CALN1: variants seen among roughly 807,000 people sequenced by gnomAD.
The protein encoded by CALN1 is calneuron 1.
In CALN1, 17 loss-of-function variants were observed where a neutral mutation model predicts 30.6. The observed-to-expected ratio is 0.56, with a 90% confidence interval of 0.38 to 0.83. CALN1 has a LOEUF of 0.83. Among genes scored for constraint, CALN1 ranks in the 40% least tolerant of loss-of-function variants. CALN1 has a pLI of 0.00. For synonymous variants in CALN1, 156 were observed against 131.4 expected (o/e 1.19, Z -1.28); for missense variants, 291 against 354.9 (o/e 0.82, Z 1.45).
intron 3 of CALN1, among the ~76,000 whole-genome samples, chr7:72,202,485 G>A (rs1449202509): frequency 1.3e-5 from 2 of 152,198 alleles, no homozygotes; most frequent in East Asian, 3.8e-4. Flanking sequence ...GGCAGAATAT[G>A]TATTGAAATG....
intron 2 of CALN1, chr7:72,337,672 C>T (rs934355892): frequency 6.6e-6 from 1 of 152,482 alleles, no homozygotes; most frequent in African/African-American, 2.4e-5. Context: ...AGGCGGGGCG[C>T]CGAAGTGGAG....
At chr7:72,474,203 A>G in the CALN1 span, among the ~76,000 whole-genome samples, 1 of 152,214 alleles carries the variant, frequency 6.6e-6, no homozygotes, top group African/African-American at 2.4e-5. Context: ...ACTGAATTAA[A>G]CAAAGGTACA....
intron 6 of CALN1, among the ~76,000 whole-genome samples, chr7:71,795,249 C>T (rs776504559): frequency 1.3e-5 from 2 of 152,084 alleles, no homozygotes; most frequent in South Asian, 4.2e-4. Context: ...CTCGATCTCT[C>T]GACCTTGTGA....
At chr7:72,036,160 C>T (rs844672) in intron 4 of CALN1, among the ~76,000 whole-genome samples, 95,922 of 152,044 alleles carry the variant, frequency 0.63, 30,514 homozygotes, top group East Asian at 0.76. Flanking sequence ...TCATTTTGAA[C>T]ATATCAGCCC....
chr7:72,401,548 G>A (rs536568423), intron 2 of CALN1, among the ~76,000 whole-genome samples: 4 of 152,092 alleles, frequency 2.6e-5, no homozygotes, highest in Non-Finnish European at 5.9e-5. Flanking sequence ...TAGCCCCAGG[G>A]TCTAAAGGGA....
At chr7:72,086,661 T>C (rs1805502622) in intron 4 of CALN1, among the ~76,000 whole-genome samples, 2 of 152,172 alleles carry the variant, frequency 1.3e-5, no homozygotes, top group African/African-American at 2.4e-5. Flanking sequence ...CTCAAACTCC[T>C]GACCTCAAGT....
chr7:72,440,654 C>T (rs898439632), intron 1 of CALN1, among the ~76,000 whole-genome samples: 2 of 152,174 alleles, frequency 1.3e-5, no homozygotes, highest in South Asian at 2.1e-4. Context: ...TGAGGAAACC[C>T]CATCTCTACT....
chr7:71,810,245 A>C, intron 6 of CALN1, 91 bp downstream of exon 6: 6 of 1,403,464 alleles, frequency 4.3e-6, no homozygotes, highest in African/African-American at 1.4e-5. Context: ...CATCAGCCCA[A>C]GAGCCTGTGT....
intron 5 of CALN1, among the ~76,000 whole-genome samples, chr7:71,892,086 A>C (rs1347885092): frequency 6.6e-6 from 1 of 152,232 alleles, no homozygotes; most frequent in African/African-American, 2.4e-5. Context: ...GGTGACTGGC[A>C]CACAGGTACT....
At chr7:72,007,892 TTGAA>T (rs1255837769) in intron 5 of CALN1, among the ~76,000 whole-genome samples, 1 of 152,154 alleles carries the variant, frequency 6.6e-6, no homozygotes, top group Non-Finnish European at 1.5e-5. Context: ...TAAGCCTCTG[TTGAA>T]TGAATGAATG....
intron 3 of CALN1, among the ~76,000 whole-genome samples, chr7:72,243,769 C>T (rs1306371726): frequency 6.6e-6 from 1 of 152,176 alleles, no homozygotes; most frequent in Admixed American, 6.5e-5. Context: ...ACTGTGAGTC[C>T]TCACTGGCCC....
chr7:72,062,524 A>AAAAAG (rs1803731230), intron 4 of CALN1, among the ~76,000 whole-genome samples: 1 of 148,080 alleles, frequency 6.8e-6, no homozygotes. Context: ...AAAAAAAAAA[A>AAAAAG]AAAAAAGAAA....
chr7:72,338,525 G>GTGTGTGTGTCTGTCTGTCTGTC, intron 2 of CALN1, among the ~76,000 whole-genome samples: 38 of 122,372 alleles, frequency 3.1e-4, no homozygotes, highest in Admixed American at 9.4e-4. Context: ...GTGTGTGTGT[G>GTGTGTGTGTCTGTCTGTCTGTC]TGTCTCACCT....
intron 1 of CALN1, among the ~76,000 whole-genome samples, chr7:72,422,511 C>T (rs1807645713): frequency 6.6e-6 from 1 of 152,142 alleles, no homozygotes. Context: ...TGCTGAGTGA[C>T]ACCATCCTCT....
intron 3 of CALN1, among the ~76,000 whole-genome samples, chr7:72,238,455 A>G (rs1211758013): frequency 6.6e-6 from 1 of 152,184 alleles, no homozygotes; most frequent in Non-Finnish European, 1.5e-5. Flanking sequence ...TAATGAATTT[A>G]TTCCCTAGCA....
the CALN1 span, among the ~76,000 whole-genome samples, chr7:72,454,615 T>C: frequency 6.5e-4 from 99 of 152,216 alleles, 1 homozygote; most frequent in Admixed American, 5.4e-3. Context: ...AAAACAGAAG[T>C]ATTCCTTCAC....
At chr7:71,906,731 A>G (rs1334146031) in intron 5 of CALN1, among the ~76,000 whole-genome samples, 1 of 152,258 alleles carries the variant, frequency 6.6e-6, no homozygotes, top group African/African-American at 2.4e-5. Flanking sequence ...TTTTCATGAG[A>G]ATGATGAAGG....
chr7:71,818,988 G>A (rs1006015383), intron 5 of CALN1, among the ~76,000 whole-genome samples: 50 of 151,520 alleles, frequency 3.3e-4, no homozygotes, highest in Non-Finnish European at 3.4e-4. Context: ...GATTACAGGC[G>A]TGAGCCACAG....
chr7:72,437,812 C>T (rs1808219352), intron 1 of CALN1, among the ~76,000 whole-genome samples: 1 of 136,070 alleles, frequency 7.3e-6, no homozygotes, highest in Non-Finnish European at 1.5e-5. Flanking sequence ...ACCTTCCTTC[C>T]TTCTTTCCTT....
Sources: allele counts gnomAD v4.1 joint callset (sites outside exome capture counted in the v4.1 genomes callset), GRCh38; gene constraint gnomAD v4.1.1; transcripts MANE v1.5; gene names NCBI Gene and HGNC (gene_info 2026-07-23, HGNC 2026-07-21).